Variants in PALS2 observed in about 807,000 individuals in gnomAD.
The protein encoded by PALS2 is protein PALS2.
In PALS2, 27 loss-of-function variants were observed where a neutral mutation model predicts 61.6. The observed-to-expected ratio is 0.44, with a 90% CI of 0.32 to 0.60. PALS2 has a LOEUF of 0.60. Ranked by LOEUF, PALS2 falls within the 20% of genes least tolerant of loss-of-function variation. The pLI, the probability that PALS2 is intolerant of heterozygous loss-of-function variation, is 0.05. For synonymous variants in PALS2, 236 were observed against 218.6 expected, an observed-to-expected ratio of 1.08 and a Z score of -0.70; for missense variants, 554 against 639.4, an observed-to-expected ratio of 0.87 and a Z score of 1.44.
chr7:24,584,378 A>T (rs1446143301), intron 1 of PALS2, among the ~76,000 whole-genome samples: 1 of 150,708 alleles, frequency 6.6e-6, no homozygotes, highest in African/African-American at 2.4e-5. Context: ...ATGGTATCTC[A>T]TTGTGGTTTT....
At chr7:24,650,411 C>A in intron 4 of PALS2, 74 bp from the exon 5 acceptor site, 1 of 1,199,128 alleles carries the variant, frequency 8.3e-7, no homozygotes, top group Non-Finnish European at 1.2e-6. Context: ...GAATTATTTT[C>A]TTACATATGC....
Position 24,672,703 on chromosome 7 carries a change from G to T in PALS2, c.1114+4043G>T, listed in dbSNP as rs1281606151. ...ATTTTCTTAATTTCCTTTTTGGATTGTTCCTTGCTAGTGTACAGAAATAAA... is the reference window on the plus strand; with the variant it reads ...ATTTTCTTAATTTCCTTTTTGGATTTTTCCTTGCTAGTGTACAGAAATAAA... On this transcript the variant is annotated intron_variant, in intron 9 of 11. Coordinates refer to ENST00000222644, the MANE Select transcript of PALS2 (RefSeq NM_001303037.2). Among the ~76,000 whole-genome samples the T allele has an allele frequency of 3.3e-5, 5 of 151,900 alleles. No individual in the cohort carries two copies. In the South Asian group the frequency reaches 8.3e-4, roughly 25 times the overall value.
At chr7:24,655,854 T>G (rs2128081955) in intron 5 of PALS2, among the ~76,000 whole-genome samples, 1 of 152,084 alleles carries the variant, frequency 6.6e-6, no homozygotes, top group South Asian at 2.1e-4. Flanking sequence ...AAAATAAAAT[T>G]TTTTATTTGG....
Position 24,690,648 on chromosome 7 carries a change from G to A in PALS2, c.*3034G>A, listed in dbSNP as rs1202422328. On this transcript the variant is annotated 3_prime_UTR_variant, in exon 12 of 12. Coordinates refer to ENST00000222644, the MANE Select transcript of PALS2 (RefSeq NM_001303037.2). ...ATAGCTTAGTGAAATAAATGTGATG[G>A]CCCTAAAAAGTAGAATTTTCACTTT... 2.0e-5 allele frequency: 3 copies of A among 152,184 alleles called. No individual in the cohort carries two copies. The East Asian group carries it at 5.8e-4, about 29-fold the overall frequency. The allele number at this position is 152,184 out of a possible 1,614,324, so 9.4% of individuals were successfully genotyped here. A position where few individuals can be genotyped will look rare whatever the true frequency, so the allele number is the denominator to read the frequency against.
chr7:24,604,199 C>T (rs80281834), intron 1 of PALS2, among the ~76,000 whole-genome samples: 18,830 of 143,510 alleles, frequency 0.13, 1,675 homozygotes, highest in East Asian at 0.47. Flanking sequence ...GCAGTAAAGA[C>T]CCTGTTTCTT....
chr7:24,662,720 G>A (rs1291008599), intron 5 of PALS2, among the ~76,000 whole-genome samples: 1 of 139,294 alleles, frequency 7.2e-6, no homozygotes, highest in Non-Finnish European at 1.5e-5. Flanking sequence ...GGTGAGCAGA[G>A]ATCACGCCAC....
In PALS2 at chr7:24,692,207, A is replaced by G. The variant is rs1788508137; in HGVS notation, c.*4593A>G. 1 of 152,186 alleles carries G rather than the reference A, an allele frequency of 6.6e-6. No homozygotes were observed. Among genetic ancestry groups the G allele is most frequent in the Non-Finnish European group, 1.5e-5 (1 of 68,014 alleles). 9.4% of individuals were successfully genotyped at this position (152,186 alleles called of 1,614,324 possible). A position where few individuals can be genotyped will look rare whatever the true frequency, so the allele number is the denominator to read the frequency against. ...GAAAGAATGATGATATCTCATTTCT[A>G]AAGTAAGCATGGTTCACACCACTTT... On this transcript the variant is annotated 3_prime_UTR_variant, in exon 12 of 12. Transcript: ENST00000222644.
chr7:24,577,629 G>C (rs1461266599), intron 1 of PALS2, among the ~76,000 whole-genome samples: 1 of 151,720 alleles, frequency 6.6e-6, no homozygotes, highest in East Asian at 1.9e-4. Flanking sequence ...CCTCATCAAT[G>C]CCATGGCTTG....
intron 1 of PALS2, among the ~76,000 whole-genome samples, chr7:24,603,654 A>G (rs569653701): frequency 2.6e-5 from 4 of 152,328 alleles, no homozygotes; most frequent in Admixed American, 2.0e-4. Flanking sequence ...TGTCCACAAC[A>G]TTGGCTCAAA....
intron 1 of PALS2, among the ~76,000 whole-genome samples, chr7:24,621,414 G>C (rs1784511441): frequency 6.6e-6 from 1 of 151,998 alleles, no homozygotes; most frequent in South Asian, 2.1e-4. Flanking sequence ...AAGCTTGTTG[G>C]AACATTTGGA....
chr7:24,663,744 C>A, intron 6 of PALS2, 23 bp downstream of exon 6: 1 of 1,594,080 alleles, frequency 6.3e-7, no homozygotes, highest in Non-Finnish European at 8.6e-7. Context: ...CTCAGAAGTT[C>A]CTCAGCTACT....
rs539217532 is a variant in PALS2, at chr7:24,602,240, T to C, written c.-2-21426T>C. ...AACTATCTTATTCTAGTTTCATGAG[T>C]ATGATATTCTTCTTTTTCTTTGATA... On this transcript the variant is annotated intron_variant, in intron 1 of 11. Coordinates refer to ENST00000222644, the MANE Select transcript of PALS2 (RefSeq NM_001303037.2). 5.3e-5 allele frequency among the ~76,000 whole-genome samples: 8 copies of C among 152,304 alleles called. No homozygotes were observed. In the South Asian group the frequency reaches 1.5e-3, roughly 28 times the overall value.
intron 11 of PALS2, among the ~76,000 whole-genome samples, chr7:24,684,461 G>A (rs1788095130): frequency 6.6e-6 from 1 of 152,146 alleles, no homozygotes; most frequent in South Asian, 2.1e-4. Flanking sequence ...TTCTAGTAAT[G>A]TCTGATAATT....
intron 1 of PALS2, among the ~76,000 whole-genome samples, chr7:24,594,991 A>AT (rs935319317): frequency 2.6e-5 from 4 of 152,108 alleles, no homozygotes; most frequent in African/African-American, 9.7e-5. Context: ...CAAACATTCA[A>AT]TTTTTTTAAA....
chr7:24,621,491 T>A (rs1464612298), intron 1 of PALS2, among the ~76,000 whole-genome samples: 1 of 152,030 alleles, frequency 6.6e-6, no homozygotes, highest in East Asian at 1.9e-4. Context: ...AGTCTGAAGA[T>A]AGGGAAAGTA....
chr7:24,585,094 T>C (rs1473080771), intron 1 of PALS2, among the ~76,000 whole-genome samples: 3 of 152,152 alleles, frequency 2.0e-5, no homozygotes, highest in Admixed American at 6.5e-5. Flanking sequence ...AGTCAGGTAG[T>C]GTGATGCCTC....
rs11310808 is a variant in PALS2 at position 24,587,531 on chromosome 7, ATTTTTTTTT to A, written c.-3+13948_-3+13956del. On this transcript the variant is annotated intron_variant, in intron 1 of 11. Transcript: ENST00000222644. ...AGGTCCACACCACTATGCCCAGCTA[ATTTTTTTTT>A]TTTTTTTTTAATGTTTTTAGAGTCC... Among the ~76,000 whole-genome samples the A allele has an allele frequency of 2.8e-5, 4 of 140,956 alleles. No individual in the cohort carries two copies. The Admixed American group carries it at 2.8e-4, about 10-fold the overall frequency. 92.5% of individuals were successfully genotyped at this position (140,956 alleles called of 152,430 possible).
intron 9 of PALS2, among the ~76,000 whole-genome samples, chr7:24,678,780 G>T (rs962471155): frequency 6.6e-6 from 1 of 152,168 alleles, no homozygotes; most frequent in South Asian, 2.1e-4. Context: ...CATATTTTTG[G>T]ATACAAATTT....
At chr7:24,676,692 G>A (rs1244688202) in intron 9 of PALS2, among the ~76,000 whole-genome samples, 3 of 150,810 alleles carry the variant, frequency 2.0e-5, no homozygotes, top group South Asian at 2.1e-4. Context: ...TTGTAGATAC[G>A]CGGCGTTATT....
Sources: allele counts gnomAD v4.1 joint callset (sites outside exome capture counted in the v4.1 genomes callset), GRCh38; gene constraint gnomAD v4.1.1; transcripts MANE v1.5; gene names NCBI Gene and HGNC (gene_info 2026-07-23, HGNC 2026-07-21).